Variants in MYO18B observed in about 807,000 individuals in gnomAD.
MYO18B encodes unconventional myosin-XVIIIb.
In MYO18B, 204 loss-of-function variants were observed where a neutral mutation model predicts 273.0. That is an observed-to-expected ratio of 0.75 (90% CI 0.67 to 0.84). The LOEUF is 0.84. MYO18B is among the 40% of genes least tolerant of loss of function. The probability of loss-of-function intolerance (pLI) is 0.00; values close to 1 mark genes in which losing one functional copy is unlikely to be tolerated. For synonymous variants in MYO18B, 1,330 were observed against 1,305.7 expected (o/e 1.02, Z -0.40); for missense variants, 3,212 against 3,287.6 (o/e 0.98, Z 0.56).
chr22:25,777,703 G>T lies in MYO18B; in HGVS notation c.1990G>T (p.Ala664Ser). ...CATTGTGGCCCTGGGCTGGAGTGGCGCTGGGAAGACCACCTGCTGTGAGCA... is the reference window on the plus strand; with the variant it reads ...CATTGTGGCCCTGGGCTGGAGTGGCTCTGGGAAGACCACCTGCTGTGAGCA... ...QSIVALGWSGAGKTTCCEQVL... is the reference protein window; with the variant it reads ...QSIVALGWSGSGKTTCCEQVL... The change falls in exon 8 of 44, where the codon GCT becomes TCT. Residue 664 changes from alanine (A) to serine (S), a missense_variant. Transcript: ENST00000335473. 2 of 1,612,702 alleles carry T rather than the reference G, an allele frequency of 1.2e-6. No homozygotes were observed. Among genetic ancestry groups the T allele is most frequent in the Non-Finnish European group, 1.7e-6 (2 of 1,179,262 alleles).
intron 36 of MYO18B, among the ~76,000 whole-genome samples, chr22:25,949,378 G>A (rs1442722897): frequency 1.3e-5 from 2 of 152,204 alleles, no homozygotes; most frequent in African/African-American, 2.4e-5. Context: ...GGGCTTGGGA[G>A]ATGATCGGGA....
intron 17 of MYO18B, among the ~76,000 whole-genome samples, chr22:25,837,007 A>G (rs1041720416): frequency 7.9e-6 from 1 of 126,076 alleles, no homozygotes; most frequent in Non-Finnish European, 1.7e-5. Flanking sequence ...TAATAATAAT[A>G]ATAAGGCAAA....
At chr22:25,990,496 G>A (rs1195637655) in intron 39 of MYO18B, among the ~76,000 whole-genome samples, 5 of 151,954 alleles carry the variant, frequency 3.3e-5, no homozygotes, top group Non-Finnish European at 5.9e-5. Flanking sequence ...GACCAGCCTG[G>A]CGAACGTGGT....
At chr22:25,803,332 T>C (rs1338692744) in intron 12 of MYO18B, among the ~76,000 whole-genome samples, 1 of 152,214 alleles carries the variant, frequency 6.6e-6, no homozygotes, top group Non-Finnish European at 1.5e-5. Context: ...ATCAGTATTT[T>C]AGTCCTTTTT....
At chr22:25,770,845 C>T (rs1030625552) in intron 5 of MYO18B, 27 bp from the exon 6 acceptor site, 2 of 1,514,956 alleles carry the variant, frequency 1.3e-6, no homozygotes, top group East Asian at 2.5e-5. Context: ...TCCCCGTTCC[C>T]CTTCTCTCTC....
chr22:25,856,898 A>G (rs695613), intron 21 of MYO18B, among the ~76,000 whole-genome samples: 79,536 of 151,940 alleles, frequency 0.52, 23,061 homozygotes, highest in East Asian at 0.89. Context: ...TTGTGACTTG[A>G]ACTGGCTTCA....
At chr22:25,905,604 G>C (rs1234991942) in intron 31 of MYO18B, among the ~76,000 whole-genome samples, 2 of 152,120 alleles carry the variant, frequency 1.3e-5, no homozygotes, top group African/African-American at 4.8e-5. Flanking sequence ...TCTAGGCAGG[G>C]GACCAGCCTG....
chr22:25,948,444 TTCCTTCCTTCCTTCC>T (rs1569225090), intron 36 of MYO18B, among the ~76,000 whole-genome samples: 44 of 130,926 alleles, frequency 3.4e-4, no homozygotes, highest in African/African-American at 1.1e-3. Context: ...CCTTCCTTCC[TTCCTTCCTTCCTTCC>T]TTCTTTCTTT....
intron 21 of MYO18B, among the ~76,000 whole-genome samples, chr22:25,859,686 A>AT (rs950676433): frequency 8.0e-5 from 12 of 149,416 alleles, no homozygotes; most frequent in Non-Finnish European, 1.8e-4. Context: ...GTGAAACTCT[A>AT]TTTTTTTTGC....
intron 40 of MYO18B, among the ~76,000 whole-genome samples, chr22:26,001,471 C>G (rs955440176): frequency 2.0e-5 from 3 of 152,186 alleles, no homozygotes; most frequent in African/African-American, 7.2e-5. Context: ...ATAGGAGGAG[C>G]TCTGGCCTTT....
Position 25,792,481 on chromosome 22 carries a change from CTTTTTTTTTTCTTTTCTTT to C in MYO18B, c.2377-5461_2377-5443del, listed in dbSNP as rs1164133475. ...CTGTGCGGGCACCTATGTGATGTTT[CTTTTTTTTTTCTTTTCTTT>C]TTTTTTTTTTTTTGAGACAGAGTCT... On this transcript the variant is annotated intron_variant, in intron 11 of 43. Coordinates refer to ENST00000335473, the MANE Select transcript of MYO18B (RefSeq NM_032608.7). Among the ~76,000 whole-genome samples the C allele has an allele frequency of 5.5e-5, 3 of 54,438 alleles. No individual in the cohort carries two copies. The Admixed American group carries it at 8.0e-4, about 15-fold the overall frequency. The allele number at this position is 54,438 out of a possible 152,430, so 35.7% of individuals were successfully genotyped here.
At chr22:25,999,686 C>T (rs1473104908) in intron 40 of MYO18B, among the ~76,000 whole-genome samples, 1 of 122,576 alleles carries the variant, frequency 8.2e-6, no homozygotes, top group Admixed American at 7.9e-5. Context: ...CTTCTCCTCT[C>T]ACTCTGTCAC....
chr22:25,868,368 G>A lies in MYO18B; in HGVS notation c.3934G>A (p.Ala1312Thr). ...ETLDLEKKAV[A>T]VGHSQVFLKA... The stretch of plus-strand genomic sequence containing the variant: ...CCTGGATCTGGAAAAGAAGGCGGTG[G>A]CTGTGGGGCACAGCCAAGTGAGTAG... Residue 1312 changes from alanine to threonine, a missense_variant, in exon 22 of 44, where the codon GCT becomes ACT. Transcript: ENST00000335473. 1.2e-6 allele frequency: 2 copies of A among 1,600,842 alleles called. No individual in the cohort carries two copies. Among genetic ancestry groups the A allele is most frequent in the Non-Finnish European group, 1.7e-6 (2 of 1,173,694 alleles).
At chr22:25,775,921 T>G (rs2086897305) in intron 7 of MYO18B, among the ~76,000 whole-genome samples, 1 of 151,886 alleles carries the variant, frequency 6.6e-6, no homozygotes, top group Non-Finnish European at 1.5e-5. Flanking sequence ...TATAGTCCAA[T>G]GCACCTTTTT....
At chr22:25,985,407 A>G (rs536970415) in intron 39 of MYO18B, among the ~76,000 whole-genome samples, 88 of 152,236 alleles carry the variant, frequency 5.8e-4, no homozygotes, top group African/African-American at 1.9e-3. Flanking sequence ...GAATAATGCA[A>G]TGAATCTTCA....
chr22:25,893,407 G>T (rs2091715165), intron 27 of MYO18B, among the ~76,000 whole-genome samples: 1 of 152,178 alleles, frequency 6.6e-6, no homozygotes, highest in Non-Finnish European at 1.5e-5. Context: ...GGCACTCATG[G>T]GCAGGGAGGT....
chr22:26,037,256 C>A, the MYO18B span, among the ~76,000 whole-genome samples: 1 of 152,172 alleles, frequency 6.6e-6, no homozygotes, highest in Non-Finnish European at 1.5e-5. Flanking sequence ...TTTGTTAAAT[C>A]CCTCTAATTC....
intron 11 of MYO18B, among the ~76,000 whole-genome samples, chr22:25,793,471 A>G (rs1325152971): frequency 6.6e-6 from 1 of 152,086 alleles, no homozygotes; most frequent in Non-Finnish European, 1.5e-5. Context: ...ACTCCTAGAC[A>G]TAAGCGATCC....
intron 39 of MYO18B, among the ~76,000 whole-genome samples, chr22:25,973,870 A>G (rs912021805): frequency 1.3e-5 from 2 of 152,148 alleles, no homozygotes; most frequent in African/African-American, 4.8e-5. Context: ...TCTCATCATC[A>G]CATCATTGTC....
Sources: gnomAD v4.1 joint callset for allele counts (sites outside exome capture counted in the v4.1 genomes callset) on GRCh38, gnomAD v4.1.1 for gene constraint, MANE v1.5 for transcripts, NCBI Gene and HGNC (gene_info 2026-07-23, HGNC 2026-07-21) for gene names.